CHST11: variants seen among roughly 807,000 people sequenced by gnomAD.
CHST11 encodes the protein C4S-1.
In CHST11, 9 loss-of-function variants were observed where a neutral mutation model predicts 30.4. The ratio of observed to expected loss-of-function variants is 0.30; its 90% confidence interval spans 0.18 to 0.52. The LOEUF (loss-of-function observed/expected upper bound fraction) is 0.52, where lower values mean the gene tolerates loss of function less well. Among genes scored for constraint, CHST11 ranks in the 20% least tolerant of loss-of-function variants. CHST11 has a pLI of 0.97. For missense variants in CHST11, 348 were observed against 460.6 expected (o/e 0.76, Z 2.24); for synonymous variants, 152 against 187.8 (o/e 0.81, Z 1.56).
intron 1 of CHST11, among the ~76,000 whole-genome samples, chr12:104,538,224 A>AT (rs2038256047): frequency 6.6e-6 from 1 of 152,138 alleles, no homozygotes; most frequent in South Asian, 2.1e-4. Flanking sequence ...GATCTTGCCC[A>AT]TTTTGAGGCA....
chr12:104,691,307 G>C (rs764688504), intron 2 of CHST11, among the ~76,000 whole-genome samples: 1 of 152,156 alleles, frequency 6.6e-6, no homozygotes, highest in Non-Finnish European at 1.5e-5. Context: ...AGGGTGCCTA[G>C]AGAGGGCGTC....
At position 104,753,175 on chromosome 12, in the gene CHST11, C is replaced by T. The variant is rs573768365; in HGVS notation, c.205-3774C>T. Among the ~76,000 whole-genome samples, 8 of 152,340 alleles carry T rather than the reference C, an allele frequency of 5.3e-5. No homozygotes were observed. In the East Asian group the frequency reaches 7.7e-4, roughly 15 times the overall value. Reference sequence around the variant, plus strand: ...GTTTCCTCGTTGACAGAAGGCAATGCCGAGACCACCACAGCTTTACAAATG... The same window carrying T: ...GTTTCCTCGTTGACAGAAGGCAATGTCGAGACCACCACAGCTTTACAAATG... On this transcript the variant is annotated intron_variant, in intron 2 of 2. Transcript: ENST00000303694.
chr12:104,573,939 G>A (rs910231254), intron 1 of CHST11, among the ~76,000 whole-genome samples: 2 of 152,082 alleles, frequency 1.3e-5, no homozygotes, highest in African/African-American at 4.8e-5. Flanking sequence ...CAGAATGGGA[G>A]AAAATTTTTG....
rs185669111 is a variant in CHST11 at position 104,679,125 on chromosome 12, C to T, written c.204+77134C>T. On this transcript the variant is annotated intron_variant, in intron 2 of 2. Coordinates refer to ENST00000303694, the MANE Select transcript of CHST11 (RefSeq NM_018413.6). ...CTGTGAGGGTGGATGTTCCTATCTT[C>T]GTAGTACTCAGATGAGGAAACTGGA... 2.1e-3 allele frequency among the ~76,000 whole-genome samples: 319 copies of T among 152,248 alleles called. 3 individuals are homozygous for T. Among genetic ancestry groups the T allele is most frequent in the African/African-American group, 7.1e-3 (295 of 41,526 alleles).
chr12:104,641,171 T>A (rs979272588), intron 2 of CHST11, among the ~76,000 whole-genome samples: 2 of 152,200 alleles, frequency 1.3e-5, no homozygotes, highest in African/African-American at 4.8e-5. Context: ...CCACTTTCAC[T>A]GGCAATAAAA....
intron 1 of CHST11, among the ~76,000 whole-genome samples, chr12:104,582,452 A>G (rs1018827955): frequency 2.0e-5 from 3 of 152,108 alleles, no homozygotes; most frequent in Non-Finnish European, 2.9e-5. Context: ...TCAGACAGAT[A>G]TGTTGCCCCT....
intron 2 of CHST11, among the ~76,000 whole-genome samples, chr12:104,751,261 G>A (rs2040429439): frequency 6.6e-6 from 1 of 152,340 alleles, no homozygotes. Flanking sequence ...AGGGTGATGA[G>A]GGGGAGATCC....
chr12:104,653,407 C>CT (rs767631076), intron 2 of CHST11, among the ~76,000 whole-genome samples: 13 of 152,200 alleles, frequency 8.5e-5, no homozygotes, highest in Non-Finnish European at 1.6e-4. Context: ...AGACATTTGG[C>CT]TTTCTTCCAC....
chr12:104,491,443 C>CTCTTCTTCTTCT (rs147243817), intron 1 of CHST11, among the ~76,000 whole-genome samples: 12 of 151,620 alleles, frequency 7.9e-5, no homozygotes, highest in African/African-American at 2.9e-4. Context: ...TTACCTTAGT[C>CTCTTCTTCTTCT]TCTTCTTCTT....
intron 1 of CHST11, among the ~76,000 whole-genome samples, chr12:104,553,833 A>T (rs954458713): frequency 1.3e-5 from 2 of 152,154 alleles, no homozygotes; most frequent in African/African-American, 4.8e-5. Flanking sequence ...TTAAAACAAC[A>T]CACGTTTATT....
At chr12:104,572,431 G>C (rs1052395113) in intron 1 of CHST11, among the ~76,000 whole-genome samples, 1 of 152,030 alleles carries the variant, frequency 6.6e-6, no homozygotes, top group African/African-American at 2.4e-5. Flanking sequence ...CTTCTTCCTG[G>C]TTTAGTCTTG....
Position 104,757,445 on chromosome 12 carries a change from A to C in CHST11, c.701A>C (p.Asp234Ala). The C allele has an allele frequency of 6.2e-7, 1 of 1,614,056 alleles. No individual in the cohort carries two copies. Among genetic ancestry groups the C allele is most frequent in the Non-Finnish European group, 8.5e-7 (1 of 1,180,010 alleles). ...ATQEALRKGD[D>A]VKFEEFVAYL... ...CAGGAGGCCCTGCGCAAAGGGGACG[A>C]TGTCAAATTCGAGGAGTTTGTGGCC... Residue 234 changes from aspartate to alanine, a missense_variant, in exon 3 of 3, where the codon GAT (aspartate) becomes GCT (alanine). Physicochemically the swap from Asp to Ala is moderately radical, Grantham distance 126. This residue lies in a region of CHST11 where 210 missense variants were observed against 287.2 expected (regional missense o/e 0.73). Coordinates refer to ENST00000303694, the MANE Select transcript of CHST11 (RefSeq NM_018413.6). This position sits in a 1 kb window ranked among gnomAD's most constrained non-coding sequence, Gnocchi z 6.5.
At chr12:104,581,887 A>G (rs1045320694) in intron 1 of CHST11, among the ~76,000 whole-genome samples, 3 of 152,216 alleles carry the variant, frequency 2.0e-5, no homozygotes, top group Admixed American at 6.5e-5. Context: ...CAAAGCATTC[A>G]ACTTGTAGCA....
chr12:104,629,220 C>G (rs2039248164), intron 2 of CHST11, among the ~76,000 whole-genome samples: 1 of 152,230 alleles, frequency 6.6e-6, no homozygotes, highest in Admixed American at 6.5e-5. Flanking sequence ...CAGTTTACGA[C>G]AACATACTTT....
intron 2 of CHST11, among the ~76,000 whole-genome samples, chr12:104,669,197 C>G (rs1020754797): frequency 6.6e-6 from 1 of 152,142 alleles, no homozygotes; most frequent in Non-Finnish European, 1.5e-5. Flanking sequence ...CGTTTTTCCT[C>G]CCCTCCTCAC....
At chr12:104,660,242 G>C (rs948827405) in intron 2 of CHST11, among the ~76,000 whole-genome samples, 1 of 152,176 alleles carries the variant, frequency 6.6e-6, no homozygotes, top group Non-Finnish European at 1.5e-5. Context: ...CTTAGCCCCA[G>C]AAAGGTCTCC....
chr12:104,573,719 T>G (rs1018760135), intron 1 of CHST11, among the ~76,000 whole-genome samples: 2 of 152,204 alleles, frequency 1.3e-5, no homozygotes, highest in African/African-American at 4.8e-5. Flanking sequence ...TCAAGATGGA[T>G]TAAAGACTTA....
chr12:104,598,659 A>G (rs1458377092), intron 1 of CHST11, among the ~76,000 whole-genome samples: 1 of 152,246 alleles, frequency 6.6e-6, no homozygotes. Flanking sequence ...TGAGTAGGGC[A>G]CACGTTGAGA....
chr12:104,653,825 G>T (rs367612920), intron 2 of CHST11, among the ~76,000 whole-genome samples: 1 of 152,180 alleles, frequency 6.6e-6, no homozygotes, highest in African/African-American at 2.4e-5. Flanking sequence ...GGCAGAACCA[G>T]GATTCAAACC....
Sources: allele counts gnomAD v4.1 joint callset (sites outside exome capture counted in the v4.1 genomes callset), GRCh38; gene constraint gnomAD v4.1.1; regional missense constraint gnomAD v4.1.1; non-coding constraint Gnocchi (gnomAD v3.1); transcripts MANE v1.5; gene names NCBI Gene and HGNC (gene_info 2026-07-23, HGNC 2026-07-21).